Variants in COL15A1 observed in about 807,000 individuals in gnomAD.
COL15A1 encodes collagen type XV alpha 1 chain.
Under a neutral mutation model 165.9 loss-of-function variants are expected in COL15A1, and 111 were observed. The observed-to-expected ratio is 0.67, with a 90% CI of 0.57 to 0.78. The LOEUF is 0.78. COL15A1 is among the 30% of genes least tolerant of loss of function. The pLI, the probability that COL15A1 is intolerant of heterozygous loss-of-function variation, is 0.00. For synonymous variants in COL15A1, 659 were observed against 674.8 expected (o/e 0.98, Z 0.36); for missense variants, 1,745 against 1,789.7 (o/e 0.98, Z 0.45).
intron 2 of COL15A1, among the ~76,000 whole-genome samples, chr9:98,975,747 G>A (rs1349369108): frequency 6.6e-6 from 1 of 152,358 alleles, no homozygotes; most frequent in East Asian, 1.9e-4. Context: ...GAGGGAGGGA[G>A]GCTCAGGTTG....
chr9:99,066,615 T>TTTTTTTTC (rs1825898175), intron 39 of COL15A1, among the ~76,000 whole-genome samples: 1 of 146,868 alleles, frequency 6.8e-6, no homozygotes, highest in Non-Finnish European at 1.5e-5. Context: ...TTTTTTTTTT[T>TTTTTTTTC]TTTTTTTTTC....
Position 98,950,728 on chromosome 9 carries a change from C to CCTTA in COL15A1, c.100+6479_100+6482dup. On this transcript the variant is annotated intron_variant, in intron 2 of 41. Coordinates refer to ENST00000375001, the MANE Select transcript of COL15A1 (RefSeq NM_001855.5). The stretch of plus-strand genomic sequence containing the variant: ...CTCCCAGGTTCAAGCAATTCTCCTG[C>CCTTA]CTTAGCCTCCCGAGTAGCTGAGACT... 3.9e-5 allele frequency among the ~76,000 whole-genome samples: 6 copies of CCTTA among 152,046 alleles called. 1 individual carries two copies. In the Middle Eastern group the frequency reaches 0.02, roughly 517 times the overall value.
rs773196929 is a variant in COL15A1, at chr9:99,024,277, G to GTTTTTTTTT, written c.1855-590_1855-589insTTTTTTTTT. Among the ~76,000 whole-genome samples, 91 of 108,588 alleles carry GTTTTTTTTT rather than the reference G, an allele frequency of 8.4e-4. 3 individuals are homozygous for GTTTTTTTTT. The highest frequency in any genetic ancestry group is 1.4e-3 in the African/African-American group (38 of 27,064). The allele number at this position is 108,588 out of a possible 152,430, so 71.2% of individuals were successfully genotyped here. ...GGCTACACCACAAGCAGTTTTTTTT[G>GTTTTTTTTT]TTTTTTTGTTTTTTTTTTTTTGAGA... On this transcript the variant is annotated intron_variant, in intron 14 of 41. Transcript: ENST00000375001.
In COL15A1 at chr9:98,944,248, C is replaced by G. The variant is rs758313397; in HGVS notation, c.98C>G (p.Thr33Arg). Residue 33 changes from threonine (T) to arginine (R), a missense_variant and splice_region_variant, in exon 2 of 42, where the codon ACA (threonine) becomes AGA (arginine). By Grantham distance (71) the Thr-to-Arg change is moderately conservative (BLOSUM62 -1). Coordinates refer to ENST00000375001, the MANE Select transcript of COL15A1 (RefSeq NM_001855.5). Reference protein sequence around the residue: ...LPAVTQTRGATETASQGHLDL... With the variant: ...LPAVTQTRGARETASQGHLDL... Reference sequence around the variant, plus strand: ...GCTGTCACCCAGACCCGCGGTGCGACAGGTAAGCAACCCGGTCGGAGGGTG... The same window carrying G: ...GCTGTCACCCAGACCCGCGGTGCGAGAGGTAAGCAACCCGGTCGGAGGGTG... The G allele has an allele frequency of 4.3e-6, 7 of 1,613,616 alleles. No individual in the cohort carries two copies. The African/African-American group carries it at 9.3e-5, about 22-fold the overall frequency.
At chr9:99,036,427 C>T in intron 21 of COL15A1, 31 bp downstream of exon 21, 2 of 1,608,522 alleles carry the variant, frequency 1.2e-6, no homozygotes, top group South Asian at 2.2e-5. Context: ...AGCTTGTCTA[C>T]ATATTTTCCA....
In COL15A1 at chr9:99,060,429, A is replaced by AT. The variant is rs36003230; in HGVS notation, c.3402+495dup. On this transcript the variant is annotated intron_variant, in intron 36 of 41. Transcript: ENST00000375001. ...AGATGCACACTACCACACCTGGCTA[A>AT]TTTTTTTTTTTTTTTTTTTGTAGAG... 2.3e-3 allele frequency among the ~76,000 whole-genome samples: 293 copies of AT among 129,576 alleles called. 1 individual carries two copies. The highest frequency in any genetic ancestry group is 0.012 in the Middle Eastern group (3 of 260). 85.0% of individuals were successfully genotyped at this position (129,576 alleles called of 152,430 possible).
chr9:98,989,329 C>G, intron 5 of COL15A1, 71 bp downstream of exon 5: 1 of 1,264,816 alleles, frequency 7.9e-7, no homozygotes, highest in Non-Finnish European at 1.1e-6. Context: ...TAGAGGGGGC[C>G]CAGAGTCCTG....
In COL15A1 at chr9:99,036,387, C is replaced by A; in HGVS notation, c.2400C>A (p.Val800=). 1 of 1,614,148 alleles carries A rather than the reference C, an allele frequency of 6.2e-7. No homozygotes were observed. The highest frequency in any genetic ancestry group is 8.5e-7 in the Non-Finnish European group (1 of 1,180,004). The change falls in exon 21 of 42, where the codon GTC becomes GTA. Residue 800 remains valine (V), a synonymous_variant. Coordinates refer to ENST00000375001, the MANE Select transcript of COL15A1 (RefSeq NM_001855.5). ...GAGGGCCACCTGGGCACATCAAGGT[C>A]TTGTCTAATGTGAGTATCATTCAGG... ...GPRGPPGHIK[V]LSNSLINITH...
At chr9:98,963,855 C>T (rs1293590293) in intron 2 of COL15A1, among the ~76,000 whole-genome samples, 1 of 152,158 alleles carries the variant, frequency 6.6e-6, no homozygotes, top group African/African-American at 2.4e-5. Flanking sequence ...ATGCCCATCC[C>T]GTTCACCCCA....
At chr9:99,019,857 G>C (rs1388772078) in intron 11 of COL15A1, among the ~76,000 whole-genome samples, 2 of 152,126 alleles carry the variant, frequency 1.3e-5, no homozygotes, top group Non-Finnish European at 2.9e-5. Context: ...GAAAGGATTA[G>C]AGCTTTGCTC....
chr9:99,011,406 G>GAAAA (rs774837414), intron 9 of COL15A1, among the ~76,000 whole-genome samples: 758 of 46,832 alleles, frequency 0.016, 13 homozygotes, highest in African/African-American at 0.055. Flanking sequence ...CCCTCTTTCT[G>GAAAA]AAAAAAAAAA....
chr9:99,050,505 GC>G (rs1379697335), intron 30 of COL15A1, among the ~76,000 whole-genome samples: 1 of 152,288 alleles, frequency 6.6e-6, no homozygotes, highest in South Asian at 2.1e-4. Flanking sequence ...CACTTGCCCG[GC>G]CCCCCAGCCA....
chr9:99,040,481 C>T (rs763258696), intron 22 of COL15A1, 40 bp from the exon 23 acceptor site: 37 of 1,613,956 alleles, frequency 2.3e-5, no homozygotes, highest in Middle Eastern at 1.6e-4. Flanking sequence ...CTGGAAATGC[C>T]GCTCCTAATC....
At position 99,060,118 on chromosome 9, in the gene COL15A1, A is replaced by G. The variant is rs7047475; in HGVS notation, c.3402+165A>G. Among the ~76,000 whole-genome samples the G allele has an allele frequency of 0.28, 42,793 of 151,686 alleles. 6,966 individuals carry two copies. The highest frequency in any genetic ancestry group is 0.62 in the East Asian group (3,187 of 5,156). On this transcript the variant is annotated intron_variant, in intron 36 of 41. Coordinates refer to ENST00000375001, the MANE Select transcript of COL15A1 (RefSeq NM_001855.5). ...TAGAAGGGATTTGTTATCTATTTGG[A>G]TGACTTATTAAGTAAAAAGACGTGA...
chr9:99,047,675 C>T (rs1839514153), intron 26 of COL15A1, 111 bp from the exon 27 acceptor site: 9 of 1,130,046 alleles, frequency 8.0e-6, no homozygotes, highest in South Asian at 7.7e-5. Context: ...CCTCCTTCCT[C>T]CTGTCAGTGG....
chr9:99,045,706 C>T (rs1446199134), intron 26 of COL15A1, among the ~76,000 whole-genome samples: 1 of 152,212 alleles, frequency 6.6e-6, no homozygotes, highest in Non-Finnish European at 1.5e-5. Flanking sequence ...TGTGACACAG[C>T]TTGTAAGTGG....
At chr9:98,950,671 G>A (rs1837672471) in intron 2 of COL15A1, among the ~76,000 whole-genome samples, 1 of 149,712 alleles carries the variant, frequency 6.7e-6, no homozygotes, top group Non-Finnish European at 1.5e-5. Flanking sequence ...GGAGTTGGTG[G>A]CCGGCCCATC....
chr9:99,042,571 T>C (rs750395382), intron 24 of COL15A1, among the ~76,000 whole-genome samples: 3 of 152,248 alleles, frequency 2.0e-5, no homozygotes, highest in Non-Finnish European at 4.4e-5. Flanking sequence ...CAGCTTCTTT[T>C]CCATAGCTCC....
chr9:98,964,513 A>T (rs1423058610), intron 2 of COL15A1, among the ~76,000 whole-genome samples: 2 of 152,184 alleles, frequency 1.3e-5, no homozygotes, highest in Non-Finnish European at 2.9e-5. Flanking sequence ...CTGTAGAAAG[A>T]CACAGTGTGT....
Sources: allele counts gnomAD v4.1 joint callset (sites outside exome capture counted in the v4.1 genomes callset), GRCh38; gene constraint gnomAD v4.1.1; transcripts MANE v1.5; gene names NCBI Gene and HGNC (gene_info 2026-07-23, HGNC 2026-07-21).